Variants in DHX37 observed in about 807,000 individuals in gnomAD.
DHX37 encodes probable ATP-dependent RNA helicase DHX37.
DHX37 carries 52 observed loss-of-function variants against 134.3 expected under a neutral mutation model. The ratio of observed to expected loss-of-function variants is 0.39; its 90% CI spans 0.31 to 0.49. The LOEUF (loss-of-function observed/expected upper bound fraction) is 0.49. DHX37 is among the 20% of genes least tolerant of loss of function. The probability of loss-of-function intolerance (pLI) is 0.93; values close to 1 mark genes in which losing one functional copy is unlikely to be tolerated. For synonymous variants in DHX37, 634 were observed against 670.7 expected (o/e 0.95, Z 0.85); for missense variants, 1,344 against 1,580.8 (o/e 0.85, Z 2.54).
In DHX37 at chr12:124,966,953, A is replaced by G; in HGVS notation, c.1505-75T>C. 1.9e-6 allele frequency: 3 copies of G among 1,591,126 alleles called. No individual in the cohort carries two copies. The South Asian group carries it at 3.3e-5, about 18-fold the overall frequency. ...GCCAGCACACTGCCCTTTGTTGTTC[A>G]AGGCATGGCCACTCAGTGGTGGCCA... On this transcript the variant is annotated intron_variant, in intron 11 of 26. Coordinates refer to ENST00000308736, the MANE Select transcript of DHX37 (RefSeq NM_032656.4).
chr12:124,966,143 G>A (rs1014285799), intron 12 of DHX37, among the ~76,000 whole-genome samples: 1 of 152,218 alleles, frequency 6.6e-6, no homozygotes, highest in Non-Finnish European at 1.5e-5. Flanking sequence ...AAGACCCACG[G>A]TGCCTTCACG....
At chr12:124,970,853 C>T (rs12580327) in intron 8 of DHX37, among the ~76,000 whole-genome samples, 33,191 of 79,810 alleles carry the variant, frequency 0.42, 4,341 homozygotes, top group South Asian at 0.56. Context: ...CCCACCAACT[C>T]AGCAGGCCCC....
At position 124,947,781 on chromosome 12, in the gene DHX37, G is replaced by A; in HGVS notation, c.*21C>T. ...CCTCCAGTCCCCAAACCAGTCCTCG[G>A]CCCTGCAGCCAGGTTTCTGGTCAGT... is the stretch of plus-strand genomic sequence containing the variant. On this transcript the variant is annotated 3_prime_UTR_variant, in exon 27 of 27. Transcript: ENST00000308736. 6.5e-7 allele frequency: 1 copy of A among 1,546,022 alleles called. No individual in the cohort carries two copies. The highest frequency in any genetic ancestry group is 8.7e-7 in the Non-Finnish European group (1 of 1,145,432).
rs1275700297 is a variant in DHX37, at chr12:124,975,467, G to A, written c.932C>T (p.Ala311Val). The stretch of plus-strand genomic sequence containing the variant: ...GGCCACTCGCTGGGACATGGCCACG[G>A]CGGCCACTCGGCGGGGCTCCGTGAC... The part of the protein sequence containing the change: ...IGVTEPRRVA[A>V]VAMSQRVAKE... The change falls in exon 6 of 27, where the codon GCC (alanine) becomes GTC (valine). Residue 311 changes from alanine to valine, a missense_variant. By Grantham distance (64) the Ala-to-Val change is moderately conservative (BLOSUM62 0). Transcript: ENST00000308736. 6.2e-7 allele frequency: 1 copy of A among 1,612,870 alleles called. No individual in the cohort carries two copies.
At chr12:124,954,718 T>C (rs967598656) in intron 18 of DHX37, among the ~76,000 whole-genome samples, 1 of 152,092 alleles carries the variant, frequency 6.6e-6, no homozygotes, top group Non-Finnish European at 1.5e-5. Flanking sequence ...TTTTAGGTAA[T>C]AAAAAACTCT....
At chr12:124,965,979 C>T (rs191577190) in intron 12 of DHX37, among the ~76,000 whole-genome samples, 167 bp from the exon 13 acceptor site, 3 of 152,336 alleles carry the variant, frequency 2.0e-5, no homozygotes, top group Admixed American at 6.5e-5. Context: ...AATTTCCCCA[C>T]CTAAACATTG....
At chr12:124,950,368 C>T (rs969060009) in intron 23 of DHX37, 45 bp downstream of exon 23, 23 of 1,593,032 alleles carry the variant, frequency 1.4e-5, no homozygotes, top group African/African-American at 8.1e-5. Flanking sequence ...GAGAAGCCCA[C>T]GGCTGCAGGA....
intron 2 of DHX37, among the ~76,000 whole-genome samples, chr12:124,984,797 G>A (rs1954831997): frequency 6.6e-6 from 1 of 152,162 alleles, no homozygotes; most frequent in Non-Finnish European, 1.5e-5. Flanking sequence ...ATGTATAGTG[G>A]GTTAAATGGC....
intron 22 of DHX37, 29 bp downstream of exon 22, chr12:124,950,661 G>T: frequency 1.2e-6 from 2 of 1,609,554 alleles, no homozygotes; most frequent in East Asian, 2.2e-5. Context: ...ACCATCGGGG[G>T]ACAAGGGGCT....
chr12:124,965,585 C>A, intron 13 of DHX37, 83 bp downstream of exon 13: 2 of 1,466,046 alleles, frequency 1.4e-6, no homozygotes, highest in African/African-American at 2.8e-5. Context: ...GAACCCCGGC[C>A]CCCGGGGGGC....
At chr12:124,979,201 T>C (rs527811906) in intron 4 of DHX37, among the ~76,000 whole-genome samples, 1 of 152,086 alleles carries the variant, frequency 6.6e-6, no homozygotes, top group East Asian at 1.9e-4. Context: ...ACCCCGTCTC[T>C]ACAAAAAAAA....
rs561025216 is a variant in DHX37 at position 124,967,371 on chromosome 12, C to T, written c.1409-153G>A. On this transcript the variant is annotated intron_variant, in intron 10 of 26. Coordinates refer to ENST00000308736, the MANE Select transcript of DHX37 (RefSeq NM_032656.4). ...AGACATAGATGAGCAGGGGGCAGCA[C>T]GCCCAGACTGAAGCAGCTGCCGCCA... The T allele has an allele frequency of 4.9e-4, 162 of 333,602 alleles. 1 individual carries two copies. The highest frequency in any genetic ancestry group is 3.5e-3 in the African/African-American group (156 of 44,418). The allele number at this position is 333,602 out of a possible 1,614,324, so 20.7% of individuals were successfully genotyped here. A position where few individuals can be genotyped will look rare whatever the true frequency, so the allele number is the denominator to read the frequency against.
At position 124,965,644 on chromosome 12, in the gene DHX37, C is replaced by G. The variant is rs1042175532; in HGVS notation, c.1735+24G>C. The G allele has an allele frequency of 3.8e-6, 6 of 1,582,006 alleles. No homozygotes were observed. In the African/African-American group the frequency reaches 5.4e-5, roughly 14 times the overall value. ...TCAGGGCAGAGATAATGAACATGAG[C>G]AGGAATCGGTGCTCGGGCCACACCT... On this transcript the variant is annotated intron_variant, in intron 13 of 26. Coordinates refer to ENST00000308736, the MANE Select transcript of DHX37 (RefSeq NM_032656.4).
In DHX37 at chr12:124,968,997, G is replaced by A. The variant is rs1289734285; in HGVS notation, c.1192-29C>T. ...CAAAAGGACAGGCTCAGTGACCGTG[G>A]CCCCAGGACCGCAGGTGGGTCTGAA... On this transcript the variant is annotated intron_variant, in intron 8 of 26. Transcript: ENST00000308736. The A allele has an allele frequency of 1.9e-6, 3 of 1,604,334 alleles. No homozygotes were observed. The African/African-American group carries it at 4.0e-5, about 21-fold the overall frequency.
At position 124,982,125 on chromosome 12, in the gene DHX37, A is replaced by G. The variant is rs149605755; in HGVS notation, c.389+386T>C. ...GTGACAAAGCAAGACTCTGTCTCAAAAAAAAAAAACAAAAAAAAACACGAC... is the reference window on the plus strand; with the variant it reads ...GTGACAAAGCAAGACTCTGTCTCAAGAAAAAAAAACAAAAAAAAACACGAC... On this transcript the variant is annotated intron_variant, in intron 3 of 26. Transcript: ENST00000308736. 3.3e-3 allele frequency among the ~76,000 whole-genome samples: 499 copies of G among 151,128 alleles called. 5 individuals carry two copies. The highest frequency in any genetic ancestry group is 0.025 in the Admixed American group (383 of 15,202).
intron 21 of DHX37, among the ~76,000 whole-genome samples, chr12:124,951,306 C>A (rs1347860571): frequency 6.7e-6 from 1 of 150,108 alleles, no homozygotes; most frequent in Non-Finnish European, 1.5e-5. Flanking sequence ...AAGGAAGCAC[C>A]GACACCTGCC....
chr12:124,984,913 T>A (rs975062378), intron 2 of DHX37, among the ~76,000 whole-genome samples: 3 of 152,118 alleles, frequency 2.0e-5, no homozygotes, highest in South Asian at 2.1e-4. Flanking sequence ...GATCTCAAGA[T>A]GAGATGATCC....
chr12:124,982,739 G>T (rs576424733), intron 2 of DHX37, 116 bp from the exon 3 acceptor site: 1 of 1,404,110 alleles, frequency 7.1e-7, no homozygotes, highest in South Asian at 1.3e-5. Flanking sequence ...TAAAATCGGC[G>T]GTCAAATTGC....
At chr12:124,958,998 C>T (rs1247165097) in intron 16 of DHX37, among the ~76,000 whole-genome samples, 6 of 149,598 alleles carry the variant, frequency 4.0e-5, no homozygotes, top group Non-Finnish European at 8.8e-5. Flanking sequence ...CAACCTCTGC[C>T]TCCCAGGTTC....
Sources: gnomAD v4.1 joint callset for allele counts (sites outside exome capture counted in the v4.1 genomes callset) on GRCh38, gnomAD v4.1.1 for gene constraint, MANE v1.5 for transcripts, NCBI Gene and HGNC (gene_info 2026-07-23, HGNC 2026-07-21) for gene names.